The following ZC3H12C variants were observed in gnomAD, a reference collection of about 807,000 sequenced individuals.
The protein encoded by ZC3H12C is zinc finger CCCH-type containing 12C.
In ZC3H12C, 20 loss-of-function variants were observed where a neutral mutation model predicts 76.3. That is an observed-to-expected ratio of 0.26 (90% CI 0.18 to 0.38). The LOEUF is 0.38. Ranked by LOEUF, ZC3H12C falls within the 10% of genes least tolerant of loss-of-function variation. ZC3H12C has a pLI of 1.00. For missense variants in ZC3H12C, 874 were observed against 1,086.5 expected, an observed-to-expected ratio of 0.80 and a Z score of 2.75; for synonymous variants, 352 against 399.6, an observed-to-expected ratio of 0.88 and a Z score of 1.42.
chr11:110,136,910 C>T lies in ZC3H12C; in HGVS notation c.269C>T (p.Ser90Phe). ...GAAGAGAATGCAAGCTCTGGTGACT[C>T]TGAAGAAAACACAAATTCTGATCAT... ...ASEENASSGD[S>F]EENTNSDHES... The change falls in exon 2 of 6, where the codon TCT becomes TTT. Residue 90 changes from serine (S) to phenylalanine (F), a missense_variant. Ser to Phe is a radical substitution (Grantham distance 155, BLOSUM62 -2). This residue lies in a region of ZC3H12C where 210 missense variants were observed against 227.1 expected (regional missense o/e 0.92). Coordinates refer to ENST00000278590, the MANE Select transcript of ZC3H12C (RefSeq NM_033390.2). 6.2e-7 allele frequency: 1 copy of T among 1,613,760 alleles called. No homozygotes were observed. The highest frequency in any genetic ancestry group is 1.1e-5 in the South Asian group (1 of 91,020).
chr11:110,118,873 T>C lies in ZC3H12C; in HGVS notation c.22-17790T>C, dbSNP rs538679316. ...CCGTAAAGAAATCTAGGGAACTCTA[T>C]TGAAAGATTTTAAAATTTTCAATAA... On this transcript the variant is annotated intron_variant, in intron 1 of 5. Transcript: ENST00000278590. 2.6e-5 allele frequency among the ~76,000 whole-genome samples: 4 copies of C among 152,314 alleles called. No homozygotes were observed. The East Asian group carries it at 7.7e-4, about 29-fold the overall frequency.
intron 2 of ZC3H12C, among the ~76,000 whole-genome samples, chr11:110,140,120 G>A (rs1565261621): frequency 2.6e-5 from 4 of 151,980 alleles, no homozygotes; most frequent in Admixed American, 6.6e-5. Flanking sequence ...TGGGCAACAT[G>A]GCAAAATCCC....
chr11:110,159,419 G>A lies in ZC3H12C; in HGVS notation c.1077G>A (p.Leu359=). ...IIVSNDNYRD[L]ANEKPEWKKF... ...TGTCCAATGATAACTACAGGGACTT[G>A]GCTAATGAGAAGCCAGAATGGAAGA... is the stretch of plus-strand genomic sequence containing the variant. Residue 359 remains leucine, a synonymous_variant, in exon 4 of 6, where the codon TTG becomes TTA. Transcript: ENST00000278590. The A allele has an allele frequency of 1.2e-6, 2 of 1,613,834 alleles. No homozygotes were observed. The highest frequency in any genetic ancestry group is 1.3e-5 in the African/African-American group (1 of 75,036).
chr11:110,158,991 C>T (rs1862428338), intron 3 of ZC3H12C, among the ~76,000 whole-genome samples: 1 of 152,174 alleles, frequency 6.6e-6, no homozygotes, highest in Non-Finnish European at 1.5e-5. Context: ...CACATAATGA[C>T]AGTCAGAATT....
intron 1 of ZC3H12C, among the ~76,000 whole-genome samples, chr11:110,123,088 G>C (rs895686861): frequency 2.6e-5 from 4 of 152,150 alleles, no homozygotes; most frequent in African/African-American, 4.8e-5. Context: ...CTGGAATTTT[G>C]CATTTAATAT....
rs541152128 is a variant in ZC3H12C at position 110,128,437 on chromosome 11, C to A, written c.22-8226C>A. ...CTAGAGATCAGGCTTCCTGCTGAGC[C>A]CTGGGGTAGTTTCTCTCATTCTTTG... On this transcript the variant is annotated intron_variant, in intron 1 of 5. Transcript: ENST00000278590. Among the ~76,000 whole-genome samples the A allele has an allele frequency of 1.5e-3, 231 of 152,248 alleles. 1 individual carries two copies. Among genetic ancestry groups the A allele is most frequent in the African/African-American group, 5.5e-3 (228 of 41,544 alleles).
chr11:110,145,029 C>A (rs559513325), intron 2 of ZC3H12C, among the ~76,000 whole-genome samples: 1 of 152,256 alleles, frequency 6.6e-6, no homozygotes, highest in South Asian at 2.1e-4. Context: ...GTTGTCCCAT[C>A]ATCTTCCCTT....
chr11:110,097,760 T>C (rs1279488211), intron 1 of ZC3H12C, among the ~76,000 whole-genome samples: 1 of 152,184 alleles, frequency 6.6e-6, no homozygotes, highest in Non-Finnish European at 1.5e-5. Context: ...AATCATGTTT[T>C]AGTTAAAAAC....
chr11:110,164,953 C>A lies in ZC3H12C; in HGVS notation c.1868C>A (p.Ala623Asp). The change falls in exon 6 of 6, where the codon GCT (alanine) becomes GAT (aspartate). Residue 623 changes from alanine (A) to aspartate (D), a missense_variant. Physicochemically the swap from Ala to Asp is moderately radical, Grantham distance 126. Transcript: ENST00000278590. The surrounding 1 kb of genome is among the most constrained non-coding windows in gnomAD (Gnocchi z 5.7). ...ACAGATTATAGAATAAGTTCCGTAG[C>A]TTCTGACTGCAGCAGTGAAGGGAGC... Reference protein sequence around the residue: ...LDTDYRISSVASDCSSEGSMS... With the variant: ...LDTDYRISSVDSDCSSEGSMS... 6.2e-7 allele frequency: 1 copy of A among 1,614,038 alleles called. No individual in the cohort carries two copies. Among genetic ancestry groups the A allele is most frequent in the South Asian group, 1.1e-5 (1 of 91,086 alleles).
chr11:110,118,079 AT>A (rs1400259539), intron 1 of ZC3H12C, among the ~76,000 whole-genome samples: 1 of 44,578 alleles, frequency 2.2e-5, no homozygotes, highest in African/African-American at 9.6e-5. Flanking sequence ...ACACATATAT[AT>A]TATATATATA....
Position 110,165,971 on chromosome 11 carries a change from C to T in ZC3H12C, c.*234C>T. ...TAACATTTCCTTTTTAAAGCTATAT[C>T]CTTGGCTGGAAATTTTTCCAGTTTG... On this transcript the variant is annotated 3_prime_UTR_variant, in exon 6 of 6. Coordinates refer to ENST00000278590, the MANE Select transcript of ZC3H12C (RefSeq NM_033390.2). The T allele has an allele frequency of 2.2e-6, 1 of 461,550 alleles. No homozygotes were observed. Among genetic ancestry groups the T allele is most frequent in the Non-Finnish European group, 3.8e-6 (1 of 264,186 alleles). The allele number at this position is 461,550 out of a possible 1,614,324, so 28.6% of individuals were successfully genotyped here. A position where few individuals can be genotyped will look rare whatever the true frequency, so the allele number is the denominator to read the frequency against.
chr11:110,148,695 T>G (rs644997), intron 2 of ZC3H12C, among the ~76,000 whole-genome samples: 104,837 of 151,912 alleles, frequency 0.69, 36,939 homozygotes, highest in South Asian at 0.79. Context: ...ACATGCTAAT[T>G]CATAAAAATA....
At chr11:110,135,208 G>C (rs748785391) in intron 1 of ZC3H12C, among the ~76,000 whole-genome samples, 10 of 152,078 alleles carry the variant, frequency 6.6e-5, no homozygotes, top group Non-Finnish European at 1.0e-4. Context: ...TAAATCATGA[G>C]GCCAGGCGTG....
At chr11:110,139,026 A>C (rs1454783176) in intron 2 of ZC3H12C, among the ~76,000 whole-genome samples, 3 of 152,230 alleles carry the variant, frequency 2.0e-5, no homozygotes, top group African/African-American at 7.2e-5. Flanking sequence ...AGTCAAGTTC[A>C]AAGTGTAACT....
chr11:110,103,337 T>C (rs1591456634), intron 1 of ZC3H12C, among the ~76,000 whole-genome samples: 1 of 152,210 alleles, frequency 6.6e-6, no homozygotes, highest in Admixed American at 6.5e-5. Context: ...GAGCAAAACA[T>C]TTTAACTATT....
intron 3 of ZC3H12C, among the ~76,000 whole-genome samples, chr11:110,154,138 G>A (rs761197382): frequency 1.3e-5 from 2 of 152,180 alleles, no homozygotes; most frequent in Non-Finnish European, 1.5e-5. Context: ...TTGGGAGGCC[G>A]AGGCGGGAAG....
intron 3 of ZC3H12C, among the ~76,000 whole-genome samples, chr11:110,153,704 C>G (rs971570779): frequency 1.3e-5 from 2 of 152,138 alleles, no homozygotes; most frequent in African/African-American, 4.8e-5. Context: ...ACAATGAACC[C>G]CTTTGGGCCC....
chr11:110,150,298 T>C (rs1338386468), intron 2 of ZC3H12C, among the ~76,000 whole-genome samples: 1 of 152,070 alleles, frequency 6.6e-6, no homozygotes, highest in Non-Finnish European at 1.5e-5. Flanking sequence ...TCCATAAAAA[T>C]AGTATATTGT....
Position 110,166,880 on chromosome 11 carries a change from T to C in ZC3H12C, c.*1143T>C, listed in dbSNP as rs1278235123. The stretch of plus-strand genomic sequence containing the variant: ...CTTAAAATTTTTGTAAGATATTGTA[T>C]ATTTTCCATTTTCCTGAAGGTAGTT... On this transcript the variant is annotated 3_prime_UTR_variant, in exon 6 of 6. Transcript: ENST00000278590. 6.6e-6 allele frequency: 1 copy of C among 152,160 alleles called. No homozygotes were observed. Among genetic ancestry groups the C allele is most frequent in the Non-Finnish European group, 1.5e-5 (1 of 68,038 alleles). 9.4% of individuals were successfully genotyped at this position (152,160 alleles called of 1,614,324 possible). A position where few individuals can be genotyped will look rare whatever the true frequency, so the allele number is the denominator to read the frequency against.
Sources: gnomAD v4.1 joint callset for allele counts (sites outside exome capture counted in the v4.1 genomes callset) on GRCh38, gnomAD v4.1.1 for gene constraint, gnomAD v4.1.1 regional missense constraint, Gnocchi (gnomAD v3.1) non-coding constraint, MANE v1.5 for transcripts, NCBI Gene and HGNC (gene_info 2026-07-23, HGNC 2026-07-21) for gene names.